LYPLAL1: variants seen among roughly 807,000 people sequenced by gnomAD.
LYPLAL1 encodes lysophospholipase like 1, also known as lysophospholipase-like protein 1.
A neutral mutation model predicts 19.7 loss-of-function variants in LYPLAL1; 23 were observed. The ratio of observed to expected loss-of-function variants is 1.17; its 90% CI spans 0.84 to 1.65. The LOEUF (loss-of-function observed/expected upper bound fraction) is 1.65. LYPLAL1 is among the 40% of genes most tolerant of loss of function. The pLI, the probability that LYPLAL1 is intolerant of heterozygous loss-of-function variation, is 0.00. For missense variants in LYPLAL1, 355 were observed against 279.4 expected (o/e 1.27, Z -1.93); for synonymous variants, 119 against 96.3 (o/e 1.24, Z -1.38).
chr1:219,285,855 A>G, the LYPLAL1 span, among the ~76,000 whole-genome samples: 1 of 152,216 alleles, frequency 6.6e-6, no homozygotes, highest in South Asian at 2.1e-4. Context: ...GCACTTTAAA[A>G]TGGTCAATTT....
the LYPLAL1 span, among the ~76,000 whole-genome samples, chr1:219,318,391 C>T: frequency 6.6e-6 from 1 of 150,836 alleles, no homozygotes; most frequent in African/African-American, 2.4e-5. Flanking sequence ...TCCCCACAGT[C>T]CCCCATCCCA....
At position 219,174,098 on chromosome 1, in the gene LYPLAL1, C is replaced by T. The variant is rs1382109880; in HGVS notation, c.91+117C>T. 10 of 1,499,564 alleles carry T rather than the reference C, an allele frequency of 6.7e-6. No homozygotes were observed. The East Asian group carries it at 2.2e-4, about 33-fold the overall frequency. The allele number at this position is 1,499,564 out of a possible 1,614,324, so 92.9% of individuals were successfully genotyped here. Reference sequence around the variant, plus strand: ...GGCCCAAATAGGGCCCAGTGGGTGGCTCCCCCGTCGCCAGCCCCGGCTGTA... The same window carrying T: ...GGCCCAAATAGGGCCCAGTGGGTGGTTCCCCCGTCGCCAGCCCCGGCTGTA... On this transcript the variant is annotated intron_variant, in intron 1 of 4. Coordinates refer to ENST00000366928, the MANE Select transcript of LYPLAL1 (RefSeq NM_138794.5).
chr1:219,306,869 C>T, the LYPLAL1 span, among the ~76,000 whole-genome samples: 1 of 143,796 alleles, frequency 7.0e-6, no homozygotes, highest in Admixed American at 7.0e-5. Flanking sequence ...GACAGACAGA[C>T]AGATAGATAG....
At chr1:219,289,081 T>TTTG in the LYPLAL1 span, among the ~76,000 whole-genome samples, 15 of 149,808 alleles carry the variant, frequency 1.0e-4, no homozygotes, top group African/African-American at 2.4e-4. Flanking sequence ...TTGTTTTGTT[T>TTTG]TTTTTGTTTT....
the LYPLAL1 span, among the ~76,000 whole-genome samples, chr1:219,441,492 A>G: frequency 6.6e-6 from 1 of 152,224 alleles, no homozygotes; most frequent in Non-Finnish European, 1.5e-5. Flanking sequence ...AAATTGGTAT[A>G]TGGAGGCTTA....
the LYPLAL1 span, among the ~76,000 whole-genome samples, chr1:219,386,191 AT>A: frequency 6.6e-6 from 1 of 152,146 alleles, no homozygotes; most frequent in African/African-American, 2.4e-5. Flanking sequence ...GCCATTTAAC[AT>A]TTCTATTCTT....
At chr1:219,216,215 G>T (rs1310668686), downstream of LYPLAL1, among the ~76,000 whole-genome samples, 4 of 151,676 alleles carry the variant, frequency 2.6e-5, no homozygotes, top group African/African-American at 4.8e-5. Flanking sequence ...AATATTTTCT[G>T]AGTCTATCAT....
At chr1:219,249,256 G>A in the LYPLAL1 span, among the ~76,000 whole-genome samples, 1 of 151,852 alleles carries the variant, frequency 6.6e-6, no homozygotes, top group Non-Finnish European at 1.5e-5. Context: ...ATACACACAC[G>A]CACACAGTAT....
At chr1:219,385,150 T>C in the LYPLAL1 span, among the ~76,000 whole-genome samples, 234 of 152,252 alleles carry the variant, frequency 1.5e-3, 1 homozygote, top group African/African-American at 5.4e-3. Flanking sequence ...CAAGGCAGAA[T>C]CAACTCATTT....
the LYPLAL1 span, among the ~76,000 whole-genome samples, chr1:219,325,015 A>T: frequency 6.6e-6 from 1 of 152,188 alleles, no homozygotes; most frequent in Admixed American, 6.5e-5. Context: ...CTTAACCATC[A>T]CTAGACTGAG....
the LYPLAL1 span, among the ~76,000 whole-genome samples, chr1:219,234,973 GACA>G: frequency 0.23 from 34,727 of 151,820 alleles, 4,277 homozygotes; most frequent in African/African-American, 0.3. Context: ...ATAAGAATAT[GACA>G]ACAATCTGAG....
At chr1:219,303,729 AC>A in the LYPLAL1 span, among the ~76,000 whole-genome samples, 2 of 152,186 alleles carry the variant, frequency 1.3e-5, no homozygotes, top group Non-Finnish European at 2.9e-5. Flanking sequence ...TATGTTCTTT[AC>A]TTTTACAAAT....
At chr1:219,438,007 T>A in the LYPLAL1 span, among the ~76,000 whole-genome samples, 12 of 152,206 alleles carry the variant, frequency 7.9e-5, no homozygotes, top group East Asian at 1.4e-3. Context: ...CCTCAAGTGA[T>A]CCAACCGCCT....
the LYPLAL1 span, among the ~76,000 whole-genome samples, chr1:219,396,509 G>A: frequency 6.6e-6 from 1 of 152,170 alleles, no homozygotes; most frequent in Non-Finnish European, 1.5e-5. Context: ...GCTCTGGGCA[G>A]TATGGCCATT....
At chr1:219,439,649 T>C in the LYPLAL1 span, among the ~76,000 whole-genome samples, 3,214 of 152,222 alleles carry the variant, frequency 0.021, 111 homozygotes, top group African/African-American at 0.073. Flanking sequence ...ATAGTGGCTA[T>C]TTCATAAGTG....
At chr1:219,251,013 T>C in the LYPLAL1 span, among the ~76,000 whole-genome samples, 2 of 152,112 alleles carry the variant, frequency 1.3e-5, no homozygotes, top group Non-Finnish European at 2.9e-5. Context: ...TGGTGTGAGA[T>C]AGTATCTCAT....
At chr1:219,275,486 CTCTAA>C in the LYPLAL1 span, among the ~76,000 whole-genome samples, 37,534 of 151,860 alleles carry the variant, frequency 0.25, 4,729 homozygotes, top group Non-Finnish European at 0.29. Flanking sequence ...ATTATATTAA[CTCTAA>C]TCTATATTCT....
chr1:219,353,253 A>G, the LYPLAL1 span, among the ~76,000 whole-genome samples: 2 of 152,244 alleles, frequency 1.3e-5, no homozygotes, highest in Non-Finnish European at 1.5e-5. Flanking sequence ...GGCTGAAACC[A>G]TGGGAATTTG....
chr1:219,314,248 C>T, the LYPLAL1 span, among the ~76,000 whole-genome samples: 1 of 152,168 alleles, frequency 6.6e-6, no homozygotes, highest in African/African-American at 2.4e-5. Flanking sequence ...TAGGCTGATT[C>T]CATGTCTTTA....
Sources: allele counts gnomAD v4.1 joint callset (sites outside exome capture counted in the v4.1 genomes callset), GRCh38; gene constraint gnomAD v4.1.1; transcripts MANE v1.5; gene names NCBI Gene and HGNC (gene_info 2026-07-23, HGNC 2026-07-21).